Variants in ABHD2 observed in about 807,000 individuals in gnomAD.
ABHD2 encodes the protein monoacylglycerol lipase ABHD2.
In ABHD2, 20 loss-of-function variants were observed where a neutral mutation model predicts 48.1. That is an observed-to-expected ratio of 0.42 (90% CI 0.29 to 0.60). The LOEUF is 0.60. Among genes scored for constraint, ABHD2 ranks in the 20% least tolerant of loss-of-function variants. ABHD2 has a pLI of 0.24. For synonymous variants in ABHD2, 209 were observed against 214.2 expected (o/e 0.98, Z 0.21); for missense variants, 405 against 550.9 (o/e 0.74, Z 2.65).
In ABHD2 at chr15:89,116,943, GA is replaced by G; in HGVS notation, c.194+427del. On this transcript the variant is annotated intron_variant, in intron 3 of 10. Transcript: ENST00000352732. This position sits in a 1 kb window ranked among gnomAD's most constrained non-coding sequence, Gnocchi z 4.6. ...TTGAGTACTCTCCATCTGCCTTGTT[GA>G]AAAATGTACCAAGCATTAGCTAAGA... Among the ~76,000 whole-genome samples, 1 of 152,208 alleles carries G rather than the reference GA, an allele frequency of 6.6e-6. No homozygotes were observed. Among genetic ancestry groups the G allele is most frequent in the Non-Finnish European group, 1.5e-5 (1 of 68,036 alleles).
In ABHD2 at chr15:89,196,772, G is replaced by C. The variant is rs928517561; in HGVS notation, c.*1349G>C. On this transcript the variant is annotated 3_prime_UTR_variant, in exon 11 of 11. Coordinates refer to ENST00000352732, the MANE Select transcript of ABHD2 (RefSeq NM_152924.5). ...TTGAAACCAGATTTTTAATTTAATA[G>C]CCTATATTTGTAGTCTGTTGGATAG... 1 of 152,486 alleles carries C rather than the reference G, an allele frequency of 6.6e-6. No homozygotes were observed. The highest frequency in any genetic ancestry group is 1.5e-5 in the Non-Finnish European group (1 of 68,014). 9.4% of individuals were successfully genotyped at this position (152,486 alleles called of 1,614,324 possible).
At position 89,195,852 on chromosome 15, in the gene ABHD2, C is replaced by T. The variant is rs1454304048; in HGVS notation, c.*429C>T. On this transcript the variant is annotated 3_prime_UTR_variant, in exon 11 of 11. Coordinates refer to ENST00000352732, the MANE Select transcript of ABHD2 (RefSeq NM_152924.5). This position sits in a 1 kb window ranked among gnomAD's most constrained non-coding sequence, Gnocchi z 5.1. ...CCTTACATAGACCTTAAAAAGAGCT[C>T]ACCCTTCCAGGCCAATGCTGAAGAC... The T allele has an allele frequency of 1.3e-5, 2 of 154,638 alleles. No individual in the cohort carries two copies. Among genetic ancestry groups the T allele is most frequent in the Non-Finnish European group, 2.9e-5 (2 of 69,460 alleles). 9.6% of individuals were successfully genotyped at this position (154,638 alleles called of 1,614,324 possible).
chr15:89,139,229 T>G (rs2050364993), intron 3 of ABHD2, among the ~76,000 whole-genome samples: 3 of 152,096 alleles, frequency 2.0e-5, no homozygotes, highest in Admixed American at 2.0e-4. Context: ...AGTAAATAAA[T>G]AAACTAGAGA....
At chr15:89,067,220 A>T in the ABHD2 span, among the ~76,000 whole-genome samples, 4 of 152,230 alleles carry the variant, frequency 2.6e-5, no homozygotes, top group African/African-American at 9.6e-5. Flanking sequence ...CACACTATTT[A>T]TTGGTGATCA....
chr15:89,058,726 C>T, the ABHD2 span, among the ~76,000 whole-genome samples: 1 of 152,158 alleles, frequency 6.6e-6, no homozygotes, highest in Non-Finnish European at 1.5e-5. Context: ...CCCCTCATGT[C>T]CAATGATTGG....
chr15:89,080,592 C>T, the ABHD2 span, among the ~76,000 whole-genome samples: 3 of 152,012 alleles, frequency 2.0e-5, no homozygotes, highest in East Asian at 1.9e-4. Context: ...TTATCAAACA[C>T]GAAAGAACAA....
chr15:89,132,363 A>C (rs552776391), intron 3 of ABHD2, among the ~76,000 whole-genome samples: 1 of 152,198 alleles, frequency 6.6e-6, no homozygotes, highest in Non-Finnish European at 1.5e-5. Context: ...TCCCTTAACT[A>C]TAGCTAATAA....
chr15:89,056,178 T>C, the ABHD2 span, among the ~76,000 whole-genome samples: 406 of 152,306 alleles, frequency 2.7e-3, 1 homozygote, highest in African/African-American at 9.3e-3. Flanking sequence ...ATTAAAATTT[T>C]GTAAATGGAG....
At position 89,157,895 on chromosome 15, in the gene ABHD2, A is replaced by G. The variant is rs78483989; in HGVS notation, c.538+2361A>G. 4.9e-3 allele frequency among the ~76,000 whole-genome samples: 753 copies of G among 152,194 alleles called. 7 individuals carry two copies. Among genetic ancestry groups the G allele is most frequent in the African/African-American group, 0.017 (711 of 41,528 alleles). The stretch of plus-strand genomic sequence containing the variant: ...GTGAATGTCCAGATTTACAGATAGC[A>G]CAGGCACAGGGTGAATAGTGAGTAT... On this transcript the variant is annotated intron_variant, in intron 5 of 10. Coordinates refer to ENST00000352732, the MANE Select transcript of ABHD2 (RefSeq NM_152924.5).
the ABHD2 span, among the ~76,000 whole-genome samples, chr15:89,075,751 G>A: frequency 2.0e-5 from 3 of 152,172 alleles, no homozygotes; most frequent in Non-Finnish European, 4.4e-5. The surrounding 1 kb of genome is among the most constrained non-coding windows in gnomAD (Gnocchi z 4.1). Context: ...AGGGAAGAGG[G>A]TATGGGGAAG....
At chr15:89,046,608 T>G in the ABHD2 span, among the ~76,000 whole-genome samples, 3 of 152,154 alleles carry the variant, frequency 2.0e-5, no homozygotes, top group African/African-American at 7.2e-5. Flanking sequence ...ATTCAACTTC[T>G]TCCTGGTTTA....
chr15:89,149,936 G>A (rs1950043090), intron 3 of ABHD2, among the ~76,000 whole-genome samples: 1 of 152,186 alleles, frequency 6.6e-6, no homozygotes, highest in African/African-American at 2.4e-5. Flanking sequence ...GTGAGAGCAA[G>A]ACTAGAGGCT....
chr15:89,142,879 G>T (rs1414750339), intron 3 of ABHD2, among the ~76,000 whole-genome samples: 1 of 152,086 alleles, frequency 6.6e-6, no homozygotes, highest in Non-Finnish European at 1.5e-5. Flanking sequence ...ATGCAGGAGG[G>T]GTTGAACCCA....
chr15:89,160,749 G>A (rs1415133803), intron 5 of ABHD2, among the ~76,000 whole-genome samples: 1 of 152,166 alleles, frequency 6.6e-6, no homozygotes, highest in Admixed American at 6.5e-5. Flanking sequence ...ATTGCAGAGG[G>A]TAGGAAGAGT....
chr15:89,109,948 T>C (rs981301248), intron 1 of ABHD2, among the ~76,000 whole-genome samples: 2 of 152,238 alleles, frequency 1.3e-5, no homozygotes, highest in African/African-American at 2.4e-5. Flanking sequence ...ATATAACCTA[T>C]GCATATCCTC....
chr15:89,077,137 C>A, the ABHD2 span, among the ~76,000 whole-genome samples: 1 of 152,166 alleles, frequency 6.6e-6, no homozygotes, highest in African/African-American at 2.4e-5. Context: ...ACCCAAGAAC[C>A]CCCTCTCAGG....
At chr15:89,193,356 G>C in intron 10 of ABHD2, 37 bp downstream of exon 10, 1 of 1,555,572 alleles carries the variant, frequency 6.4e-7, no homozygotes, top group Non-Finnish European at 8.9e-7. Context: ...CAACAGCTCA[G>C]CAAGTTGCCA....
In ABHD2 at chr15:89,097,814, A is replaced by G. The variant is rs921391517; in HGVS notation, c.-107+9251A>G. On this transcript the variant is annotated intron_variant, in intron 1 of 10. Coordinates refer to ENST00000352732, the MANE Select transcript of ABHD2 (RefSeq NM_152924.5). The surrounding 1 kb of genome is among the most constrained non-coding windows in gnomAD (Gnocchi z 4.2). Reference sequence around the variant, plus strand: ...TATATTCTTTTTCTTTCTTTTTTATATAACTGGTAGCATATTGTACATGTT... The same window carrying G: ...TATATTCTTTTTCTTTCTTTTTTATGTAACTGGTAGCATATTGTACATGTT... 2.0e-5 allele frequency among the ~76,000 whole-genome samples: 3 copies of G among 152,132 alleles called. No homozygotes were observed. The highest frequency in any genetic ancestry group is 1.3e-4 in the Admixed American group (2 of 15,268).
At chr15:89,065,171 C>G in the ABHD2 span, among the ~76,000 whole-genome samples, 1 of 152,124 alleles carries the variant, frequency 6.6e-6, no homozygotes, top group Non-Finnish European at 1.5e-5. Flanking sequence ...AGAGCCCCTC[C>G]TCCATCATTG....
Sources: allele counts gnomAD v4.1 joint callset (sites outside exome capture counted in the v4.1 genomes callset), GRCh38; gene constraint gnomAD v4.1.1; non-coding constraint Gnocchi (gnomAD v3.1); transcripts MANE v1.5; gene names NCBI Gene and HGNC (gene_info 2026-07-23, HGNC 2026-07-21).